RPL14: variants seen among roughly 807,000 people sequenced by gnomAD.
RPL14 encodes the protein large ribosomal subunit protein eL14.
In RPL14, 4 loss-of-function variants were observed where a neutral mutation model predicts 25.3. The ratio of observed to expected loss-of-function variants is 0.16; its 90% confidence interval spans 0.08 to 0.36. The LOEUF is 0.36. RPL14 is among the 10% of genes least tolerant of loss of function. The pLI is 1.00. For missense variants in RPL14, 212 were observed against 261.9 expected, an observed-to-expected ratio of 0.81 and a Z score of 1.31; for synonymous variants, 75 against 89.8, an observed-to-expected ratio of 0.84 and a Z score of 0.93.
chr3:40,461,484 A>G lies in RPL14; in HGVS notation c.278A>G (p.Lys93Arg). ...AAATGGGCAGCCACACGATGGGCCA[A>G]GAAGATTGAAGCCAGAGAAAGGGTA... ...NTKWAATRWA[K>R]KIEARERKAK... Residue 93 changes from lysine (K) to arginine (R), a missense_variant, in exon 4 of 6, where the codon AAG becomes AGG. By Grantham distance (26) the Lys-to-Arg change is conservative (BLOSUM62 2). Around this residue, in one of 3 missense-constraint regions of RPL14, gnomAD observed 143 missense variants for 180.3 expected, o/e 0.79. Coordinates refer to ENST00000396203, the MANE Select transcript of RPL14 (RefSeq NM_001034996.3). The G allele has an allele frequency of 1.2e-6, 2 of 1,614,140 alleles. No individual in the cohort carries two copies. The highest frequency in any genetic ancestry group is 1.7e-6 in the Non-Finnish European group (2 of 1,180,012).
chr3:40,459,393 T>C (rs531060926), intron 3 of RPL14, among the ~76,000 whole-genome samples: 1 of 152,328 alleles, frequency 6.6e-6, no homozygotes, highest in East Asian at 1.9e-4. Context: ...CAGTATTTAA[T>C]ATAAGAGGTT....
At chr3:40,461,135 A>G (rs1367761791) in intron 3 of RPL14, among the ~76,000 whole-genome samples, 2 of 152,100 alleles carry the variant, frequency 1.3e-5, no homozygotes, top group South Asian at 2.1e-4. Flanking sequence ...GGTTGAGGCT[A>G]CAGTGAGCCA....
intron 4 of RPL14, 50 bp from the exon 5 acceptor site, chr3:40,461,558 C>T: frequency 2.5e-6 from 4 of 1,603,436 alleles, no homozygotes; most frequent in Non-Finnish European, 2.6e-6. Context: ...TTGGAGGGTT[C>T]AAGATAGTGT....
chr3:40,458,771 C>G (rs1163434898), intron 3 of RPL14, 35 bp downstream of exon 3: 6 of 1,563,166 alleles, frequency 3.8e-6, no homozygotes, highest in Non-Finnish European at 5.3e-6. Context: ...CCTCCCATCC[C>G]CAGATTTGTT....
rs1304146246 is a variant in RPL14, at chr3:40,465,902, G to T, written c.*3670G>T. 1 of 152,286 alleles carries T rather than the reference G, an allele frequency of 6.6e-6. No individual in the cohort carries two copies. The highest frequency in any genetic ancestry group is 6.5e-5 in the Admixed American group (1 of 15,278). The allele number at this position is 152,286 out of a possible 1,614,324, so 9.4% of individuals were successfully genotyped here. A position where few individuals can be genotyped will look rare whatever the true frequency, so the allele number is the denominator to read the frequency against. On this transcript the variant is annotated 3_prime_UTR_variant, in exon 6 of 6. Coordinates refer to ENST00000396203, the MANE Select transcript of RPL14 (RefSeq NM_001034996.3). Reference sequence around the variant, plus strand: ...AATAAGGTGGGACCATATGATAAGAGATTTGAGGCCGGGCACTGTGGCTCA... The same window carrying T: ...AATAAGGTGGGACCATATGATAAGATATTTGAGGCCGGGCACTGTGGCTCA...
intron 2 of RPL14, 61 bp from the exon 3 acceptor site, chr3:40,458,581 C>A: frequency 7.8e-7 from 1 of 1,282,010 alleles, no homozygotes; most frequent in South Asian, 1.2e-5. Flanking sequence ...GTTACAGAAC[C>A]ATCTGACCAT....
intron 2 of RPL14, 127 bp downstream of exon 2, chr3:40,458,118 G>C: frequency 1.3e-6 from 1 of 767,678 alleles, no homozygotes; most frequent in Non-Finnish European, 2.2e-6. Context: ...TACCATTGAG[G>C]AAACAGGTAA....
At position 40,464,776 on chromosome 3, in the gene RPL14, TA is replaced by T; in HGVS notation, c.*2546del. 1 of 253,470 alleles carries T rather than the reference TA, an allele frequency of 3.9e-6. No homozygotes were observed. The highest frequency in any genetic ancestry group is 8.1e-6 in the Non-Finnish European group (1 of 123,230). 15.7% of individuals were successfully genotyped at this position (253,470 alleles called of 1,614,324 possible). A position where few individuals can be genotyped will look rare whatever the true frequency, so the allele number is the denominator to read the frequency against. ...TTGATCATGCATTGGACTGCAGAAATAAGGGAGAAAACAATGTGTCAGGGTT... is the reference window on the plus strand; with the variant it reads ...TTGATCATGCATTGGACTGCAGAAATAGGGAGAAAACAATGTGTCAGGGTT... On this transcript the variant is annotated 3_prime_UTR_variant, in exon 6 of 6. Coordinates refer to ENST00000396203, the MANE Select transcript of RPL14 (RefSeq NM_001034996.3).
At chr3:40,460,527 G>GAA (rs370587678) in intron 3 of RPL14, among the ~76,000 whole-genome samples, 1,731 of 136,236 alleles carry the variant, frequency 0.013, 32 homozygotes, top group African/African-American at 0.043. Flanking sequence ...CTCAAAAAAA[G>GAA]AAAAAAAAAA....
intron 3 of RPL14, among the ~76,000 whole-genome samples, chr3:40,460,413 G>A (rs1273655480): frequency 6.6e-6 from 1 of 151,944 alleles, no homozygotes; most frequent in Non-Finnish European, 1.5e-5. Flanking sequence ...AGCTATTTGG[G>A]TGGATGGAAC....
intron 1 of RPL14, 64 bp downstream of exon 1, chr3:40,457,538 GA>G: frequency 7.4e-7 from 1 of 1,360,338 alleles, no homozygotes; most frequent in East Asian, 2.6e-5. Flanking sequence ...GCCCTTCCCG[GA>G]CTCGCCGCTG....
At position 40,462,916 on chromosome 3, in the gene RPL14, A is replaced by G. The variant is rs527931942; in HGVS notation, c.*684A>G. 2 of 151,958 alleles carry G rather than the reference A, an allele frequency of 1.3e-5. No individual in the cohort carries two copies. Among genetic ancestry groups the G allele is most frequent in the Admixed American group, 1.3e-4 (2 of 15,284 alleles). The allele number at this position is 151,958 out of a possible 1,614,324, so 9.4% of individuals were successfully genotyped here. A position where few individuals can be genotyped will look rare whatever the true frequency, so the allele number is the denominator to read the frequency against. On this transcript the variant is annotated 3_prime_UTR_variant, in exon 6 of 6. Transcript: ENST00000396203. ...TGATGCTCAAGAGTCTAGCAGATTT[A>G]TTTTATTTATTTATTTTTTTTTTTT...
Position 40,462,294 on chromosome 3 carries a change from T to G in RPL14, c.*62T>G, listed in dbSNP as rs1038917727. 6.7e-7 allele frequency: 1 copy of G among 1,491,950 alleles called. No homozygotes were observed. 92.4% of individuals were successfully genotyped at this position (1,491,950 alleles called of 1,614,324 possible). On this transcript the variant is annotated 3_prime_UTR_variant, in exon 6 of 6. Transcript: ENST00000396203. ...CCTGTTGACAAATGTATTTAAGCCT[T>G]TGGATTTAAAGCCTGTTGAGGCTGG... is the stretch of plus-strand genomic sequence containing the variant.
In RPL14 at chr3:40,466,863, T is replaced by C. The variant is rs1338869984; in HGVS notation, c.*4631T>C. On this transcript the variant is annotated 3_prime_UTR_variant, in exon 6 of 6. Coordinates refer to ENST00000396203, the MANE Select transcript of RPL14 (RefSeq NM_001034996.3). ...TTATCTCTAAGTAATTGGCATGTCCTCTAATTCATATTTTCCCCCCTCATC... is the reference window on the plus strand; with the variant it reads ...TTATCTCTAAGTAATTGGCATGTCCCCTAATTCATATTTTCCCCCCTCATC... The C allele has an allele frequency of 6.6e-6, 1 of 152,252 alleles. No homozygotes were observed. The highest frequency in any genetic ancestry group is 1.5e-5 in the Non-Finnish European group (1 of 68,054). The allele number at this position is 152,252 out of a possible 1,614,324, so 9.4% of individuals were successfully genotyped here. A position where few individuals can be genotyped will look rare whatever the true frequency, so the allele number is the denominator to read the frequency against.
chr3:40,457,589 G>A (rs1696862787), intron 1 of RPL14, 115 bp downstream of exon 1: 1 of 854,304 alleles, frequency 1.2e-6, no homozygotes, highest in Non-Finnish European at 1.8e-6. Flanking sequence ...GCGCGCCTTG[G>A]GCCACGCGTG....
chr3:40,457,809 T>G, intron 1 of RPL14, 81 bp from the exon 2 acceptor site: 10 of 1,304,516 alleles, frequency 7.7e-6, no homozygotes, highest in Non-Finnish European at 1.0e-5. Context: ...AATTTAACCA[T>G]GTTGTCTTTA....
chr3:40,465,456 A>C lies in RPL14; in HGVS notation c.*3224A>C, dbSNP rs536281536. 5.3e-5 allele frequency: 8 copies of C among 152,324 alleles called. No individual in the cohort carries two copies. Among genetic ancestry groups the C allele is most frequent in the Non-Finnish European group, 1.2e-4 (8 of 68,048 alleles). The allele number at this position is 152,324 out of a possible 1,614,324, so 9.4% of individuals were successfully genotyped here. A position where few individuals can be genotyped will look rare whatever the true frequency, so the allele number is the denominator to read the frequency against. On this transcript the variant is annotated 3_prime_UTR_variant, in exon 6 of 6. Transcript: ENST00000396203. The stretch of plus-strand genomic sequence containing the variant: ...AGGAAGGATTGGCTTTAGAGGAAAG[A>C]TGTCCTTTACGTGAGGAAAAGGAAG...
Position 40,466,596 on chromosome 3 carries a change from T to C in RPL14, c.*4364T>C, listed in dbSNP as rs1379748809. 1.3e-5 allele frequency: 2 copies of C among 152,034 alleles called. No individual in the cohort carries two copies. Among genetic ancestry groups the C allele is most frequent in the Non-Finnish European group, 2.9e-5 (2 of 68,018 alleles). 9.4% of individuals were successfully genotyped at this position (152,034 alleles called of 1,614,324 possible). On this transcript the variant is annotated 3_prime_UTR_variant, in exon 6 of 6. Coordinates refer to ENST00000396203, the MANE Select transcript of RPL14 (RefSeq NM_001034996.3). Reference sequence around the variant, plus strand: ...GTCATTCAGCCCAAACTCATTACTTTATGTTACTTATGGGAACCTCATCTA... The same window carrying C: ...GTCATTCAGCCCAAACTCATTACTTCATGTTACTTATGGGAACCTCATCTA...
rs1697034025 is a variant in RPL14, at chr3:40,466,864, C to CT, written c.*4633dup. ...TATCTCTAAGTAATTGGCATGTCCT[C>CT]TAATTCATATTTTCCCCCCTCATCT... On this transcript the variant is annotated 3_prime_UTR_variant, in exon 6 of 6. Coordinates refer to ENST00000396203, the MANE Select transcript of RPL14 (RefSeq NM_001034996.3). The CT allele has an allele frequency of 6.6e-6, 1 of 152,176 alleles. No homozygotes were observed. Among genetic ancestry groups the CT allele is most frequent in the Non-Finnish European group, 1.5e-5 (1 of 68,032 alleles). 9.4% of individuals were successfully genotyped at this position (152,176 alleles called of 1,614,324 possible).
Sources: allele counts gnomAD v4.1 joint callset (sites outside exome capture counted in the v4.1 genomes callset), GRCh38; gene constraint gnomAD v4.1.1; regional missense constraint gnomAD v4.1.1; transcripts MANE v1.5; gene names NCBI Gene and HGNC (gene_info 2026-07-23, HGNC 2026-07-21).